TYW1B: variants seen among roughly 807,000 people sequenced by gnomAD.
TYW1B encodes tRNA-yW synthesizing protein 1 homolog B.
A neutral mutation model predicts 86.9 loss-of-function variants in TYW1B; 73 were observed. That is an observed-to-expected ratio of 0.84 (90% CI 0.70 to 1.02). The LOEUF is 1.02. TYW1B is among the 50% of genes least tolerant of loss of function. The pLI, the probability that TYW1B is intolerant of heterozygous loss-of-function variation, is 0.00. For missense variants in TYW1B, 637 were observed against 827.4 expected (o/e 0.77, Z 2.82); for synonymous variants, 248 against 292.8 (o/e 0.85, Z 1.56).
At chr7:72,589,023 G>T (rs1554430966) in intron 13 of TYW1B, among the ~76,000 whole-genome samples, 1 of 152,158 alleles carries the variant, frequency 6.6e-6, no homozygotes, top group African/African-American at 2.4e-5. Context: ...ATGTTGGCCA[G>T]GCTGGTCTTG....
At chr7:72,816,443 G>A (rs1474810747) in intron 2 of TYW1B, among the ~76,000 whole-genome samples, 1 of 152,158 alleles carries the variant, frequency 6.6e-6, no homozygotes, top group Non-Finnish European at 1.5e-5. Flanking sequence ...AAAGAAGACG[G>A]TTGACAGACA....
chr7:72,727,696 C>T (rs564599545), intron 9 of TYW1B, among the ~76,000 whole-genome samples: 10 of 151,342 alleles, frequency 6.6e-5, no homozygotes, highest in Non-Finnish European at 1.2e-4. Flanking sequence ...GTAGCCCCAG[C>T]TACTCAGGAG....
At chr7:72,777,343 G>C (rs1787973563) in intron 7 of TYW1B, 73 bp downstream of exon 7, 6 of 1,544,834 alleles carry the variant, frequency 3.9e-6, no homozygotes, top group Non-Finnish European at 5.3e-6. Context: ...ATTAGAGAGA[G>C]ACTTCATTCT....
intron 7 of TYW1B, among the ~76,000 whole-genome samples, chr7:72,763,748 T>C (rs1787726843): frequency 6.6e-6 from 1 of 152,210 alleles, no homozygotes; most frequent in Non-Finnish European, 1.5e-5. Context: ...AGAATCAAAA[T>C]CCAAAATTGT....
chr7:72,602,641 C>A (rs1435075484), intron 13 of TYW1B, among the ~76,000 whole-genome samples: 1 of 152,114 alleles, frequency 6.6e-6, no homozygotes, highest in Non-Finnish European at 1.5e-5. Context: ...TTCAAAAACA[C>A]GTGGCTGACT....
In TYW1B at chr7:72,811,618, G is replaced by A. The variant is rs534977286; in HGVS notation, c.238-953C>T. Among the ~76,000 whole-genome samples the A allele has an allele frequency of 3.3e-5, 5 of 152,024 alleles. No homozygotes were observed. The East Asian group carries it at 7.7e-4, about 24-fold the overall frequency. On this transcript the variant is annotated intron_variant, in intron 3 of 13. Coordinates refer to ENST00000620995, the MANE Select transcript of TYW1B (RefSeq NM_001145440.3). ...GGAAGCTGTGAATATCCATATCAAG[G>A]CAGTGGATGTTGGCTGGGCCCAGTG... is the stretch of plus-strand genomic sequence containing the variant.
chr7:72,793,704 AAG>A (rs1788258545), intron 6 of TYW1B, among the ~76,000 whole-genome samples: 1 of 151,748 alleles, frequency 6.6e-6, no homozygotes, highest in Admixed American at 6.6e-5. Context: ...GTATTGAGCC[AAG>A]ATCACACCAC....
chr7:72,621,993 A>G (rs1189776929), intron 12 of TYW1B, among the ~76,000 whole-genome samples: 1 of 152,266 alleles, frequency 6.6e-6, no homozygotes, highest in East Asian at 1.9e-4. Context: ...GGGTGCCAAC[A>G]GTAAGTAGTT....
At chr7:72,766,934 T>C (rs1483810842) in intron 7 of TYW1B, among the ~76,000 whole-genome samples, 1 of 151,638 alleles carries the variant, frequency 6.6e-6, no homozygotes, top group Admixed American at 6.6e-5. Flanking sequence ...CTCAAAAAAA[T>C]AAATAAATAA....
chr7:72,632,455 A>G (rs1347498644), intron 11 of TYW1B, among the ~76,000 whole-genome samples: 2 of 97,736 alleles, frequency 2.0e-5, no homozygotes, highest in South Asian at 2.5e-4. Context: ...TATAAAATAT[A>G]TATATACATA....
intron 13 of TYW1B, among the ~76,000 whole-genome samples, chr7:72,581,916 C>G (rs1405720926): frequency 6.6e-6 from 1 of 151,226 alleles, no homozygotes; most frequent in Non-Finnish European, 1.5e-5. Flanking sequence ...TACAGGCACA[C>G]GCCACCACGC....
intron 10 of TYW1B, among the ~76,000 whole-genome samples, chr7:72,706,194 C>T (rs1814608776): frequency 6.6e-6 from 1 of 152,002 alleles, no homozygotes; most frequent in Admixed American, 6.6e-5. Flanking sequence ...TTTGGGAGGC[C>T]GAGGTGGGGA....
chr7:72,628,833 G>A (rs1420361926), intron 12 of TYW1B, 54 bp downstream of exon 12: 1 of 1,474,282 alleles, frequency 6.8e-7, no homozygotes, highest in African/African-American at 1.5e-5. Context: ...GGCCAACGAA[G>A]CACCACGATT....
intron 11 of TYW1B, among the ~76,000 whole-genome samples, chr7:72,662,426 TATAGATAGATAGATAGATAG>T (rs10682366): frequency 1.1e-4 from 13 of 118,740 alleles, no homozygotes; most frequent in South Asian, 2.7e-4. Flanking sequence ...AATATATATA[TATAGATAGATAGATAGATAG>T]ATAGATAGAT....
intron 8 of TYW1B, among the ~76,000 whole-genome samples, chr7:72,742,359 G>A (rs782155331): frequency 2.6e-5 from 4 of 152,090 alleles, no homozygotes; most frequent in East Asian, 1.9e-4. Flanking sequence ...TGAACCCCTG[G>A]GCTCAAGTGC....
intron 12 of TYW1B, among the ~76,000 whole-genome samples, chr7:72,628,186 G>A (rs1812397021): frequency 6.6e-6 from 1 of 152,202 alleles, no homozygotes; most frequent in South Asian, 2.1e-4. Flanking sequence ...AGGAGGCTGA[G>A]GCAGGAGGAC....
chr7:72,653,980 G>A (rs1354429575), intron 11 of TYW1B, among the ~76,000 whole-genome samples: 11 of 150,870 alleles, frequency 7.3e-5, no homozygotes, highest in African/African-American at 2.2e-4. Context: ...CTCAGGAGGC[G>A]GAGGCAGGAG....
intron 10 of TYW1B, among the ~76,000 whole-genome samples, chr7:72,696,323 T>C (rs1314073492): frequency 1.3e-5 from 2 of 152,128 alleles, no homozygotes; most frequent in East Asian, 1.9e-4. Flanking sequence ...TCAGTAAATT[T>C]AGAACTAGAA....
At chr7:72,665,748 A>G (rs1473414108) in intron 11 of TYW1B, among the ~76,000 whole-genome samples, 5 of 152,208 alleles carry the variant, frequency 3.3e-5, no homozygotes, top group African/African-American at 1.2e-4. Flanking sequence ...ATCAGAAAAC[A>G]GGGGCCTTAT....
Sources: allele counts gnomAD v4.1 joint callset (sites outside exome capture counted in the v4.1 genomes callset), GRCh38; gene constraint gnomAD v4.1.1; transcripts MANE v1.5; gene names NCBI Gene and HGNC (gene_info 2026-07-23, HGNC 2026-07-21).